Variants in ASAP1 observed in about 807,000 individuals in gnomAD.
The protein encoded by ASAP1 is arf-GAP with SH3 domain, ANK repeat and PH domain-containing protein 1.
In ASAP1, 43 loss-of-function variants were observed where a neutral mutation model predicts 145.2. The observed-to-expected ratio is 0.30, with a 90% confidence interval of 0.23 to 0.38. ASAP1 has a LOEUF of 0.38. Ranked by LOEUF, ASAP1 falls within the 10% of genes least tolerant of loss-of-function variation. The probability of loss-of-function intolerance (pLI) is 1.00; values close to 1 mark genes in which losing one functional copy is unlikely to be tolerated. For missense variants in ASAP1, 1,018 were observed against 1,355.3 expected, an observed-to-expected ratio of 0.75 and a Z score of 3.91; for synonymous variants, 546 against 515.5, an observed-to-expected ratio of 1.06 and a Z score of -0.80.
intron 24 of ASAP1, among the ~76,000 whole-genome samples, chr8:130,105,661 G>A (rs141974142): frequency 8.5e-5 from 13 of 152,128 alleles, no homozygotes; most frequent in African/African-American, 1.4e-4. Flanking sequence ...GTAATTAACC[G>A]TATAATTATA....
At chr8:130,345,661 T>C (rs1422604380) in intron 3 of ASAP1, among the ~76,000 whole-genome samples, 1 of 152,170 alleles carries the variant, frequency 6.6e-6, no homozygotes, top group Non-Finnish European at 1.5e-5. Flanking sequence ...AAACAGCCTA[T>C]GTAAAGTACT....
chr8:130,272,072 G>A (rs10956517), intron 3 of ASAP1, among the ~76,000 whole-genome samples: 27,715 of 152,116 alleles, frequency 0.18, 3,219 homozygotes, highest in East Asian at 0.43. Flanking sequence ...GGCTGAGACA[G>A]GAGGATTGCT....
chr8:130,311,428 G>A (rs1355764216), intron 3 of ASAP1, among the ~76,000 whole-genome samples: 3 of 152,066 alleles, frequency 2.0e-5, no homozygotes, highest in East Asian at 1.9e-4. Flanking sequence ...TTTTTTCAGT[G>A]CACATGCATC....
chr8:130,396,398 A>C (rs1358416231), intron 2 of ASAP1, among the ~76,000 whole-genome samples: 1 of 152,196 alleles, frequency 6.6e-6, no homozygotes, highest in African/African-American at 2.4e-5. Flanking sequence ...GGAGGGAGGA[A>C]GACAAGACCA....
intron 3 of ASAP1, among the ~76,000 whole-genome samples, chr8:130,269,120 G>A (rs181355423): frequency 3.3e-5 from 5 of 152,260 alleles, no homozygotes; most frequent in Admixed American, 2.6e-4. Flanking sequence ...ACCAGAACAG[G>A]CCTTGAATTT....
At chr8:130,289,834 GGACTAGTGTA>G (rs1407796278) in intron 3 of ASAP1, among the ~76,000 whole-genome samples, 3 of 152,040 alleles carry the variant, frequency 2.0e-5, no homozygotes, top group Non-Finnish European at 2.9e-5. Context: ...TACCCCACAG[GGACTAGTGTA>G]GAACTCCATT....
intron 4 of ASAP1, 22 bp downstream of exon 4, chr8:130,236,900 C>T: frequency 2.0e-6 from 3 of 1,482,030 alleles, no homozygotes; most frequent in Non-Finnish European, 2.8e-6. Context: ...TTCATGTTAC[C>T]TCATTTTTAG....
At chr8:130,226,660 A>C (rs1369888205) in intron 4 of ASAP1, among the ~76,000 whole-genome samples, 1 of 152,160 alleles carries the variant, frequency 6.6e-6, no homozygotes, top group Non-Finnish European at 1.5e-5. Context: ...GCATATTCTC[A>C]TTTCTGCAGC....
At chr8:130,302,594 G>T (rs1177510721) in intron 3 of ASAP1, among the ~76,000 whole-genome samples, 1 of 152,210 alleles carries the variant, frequency 6.6e-6, no homozygotes, top group Non-Finnish European at 1.5e-5. Context: ...CATCTGCTGG[G>T]AGCACTAGAT....
intron 3 of ASAP1, among the ~76,000 whole-genome samples, chr8:130,310,346 G>A (rs994918619): frequency 1.3e-5 from 2 of 152,150 alleles, no homozygotes; most frequent in African/African-American, 2.4e-5. Context: ...TTTTAACTAA[G>A]TGATAAGTTA....
intron 1 of ASAP1, among the ~76,000 whole-genome samples, chr8:130,409,998 T>C (rs567340641): frequency 2.0e-4 from 31 of 152,334 alleles, no homozygotes; most frequent in Admixed American, 1.4e-3. Flanking sequence ...TTGTCAGTGA[T>C]ATCATCTGGG....
intron 3 of ASAP1, among the ~76,000 whole-genome samples, chr8:130,350,905 G>C (rs77327630): frequency 1.3e-5 from 2 of 152,310 alleles, no homozygotes; most frequent in East Asian, 3.9e-4. Flanking sequence ...CAGCTCATAG[G>C]CAAATCAGGT....
intron 5 of ASAP1, among the ~76,000 whole-genome samples, chr8:130,189,765 T>G (rs945715010): frequency 2.6e-5 from 4 of 152,220 alleles, no homozygotes; most frequent in Admixed American, 2.6e-4. Context: ...TAATTTATAT[T>G]ACCACCAACA....
At chr8:130,082,349 G>T (rs2097482385) in intron 25 of ASAP1, among the ~76,000 whole-genome samples, 1 of 151,854 alleles carries the variant, frequency 6.6e-6, no homozygotes, top group Non-Finnish European at 1.5e-5. Context: ...TCAAGGTAGG[G>T]CATTTATTTT....
chr8:130,372,720 C>T (rs1190829370), intron 2 of ASAP1, among the ~76,000 whole-genome samples: 1 of 152,154 alleles, frequency 6.6e-6, no homozygotes, highest in Non-Finnish European at 1.5e-5. Flanking sequence ...GAGCTGGTAA[C>T]CCAAATATTC....
intron 3 of ASAP1, among the ~76,000 whole-genome samples, chr8:130,238,890 G>A (rs1818366213): frequency 6.6e-6 from 1 of 152,066 alleles, no homozygotes; most frequent in African/African-American, 2.4e-5. Context: ...CAGACTGCAA[G>A]TCTAACACGA....
chr8:130,376,239 C>A (rs571130237), intron 2 of ASAP1, among the ~76,000 whole-genome samples: 1 of 152,332 alleles, frequency 6.6e-6, no homozygotes, highest in East Asian at 1.9e-4. Context: ...GCTGGGTGCT[C>A]CACCCTGAAT....
At chr8:130,162,205 C>T (rs1323476040) in intron 11 of ASAP1, among the ~76,000 whole-genome samples, 1 of 152,216 alleles carries the variant, frequency 6.6e-6, no homozygotes, top group Non-Finnish European at 1.5e-5. Context: ...GGAGGTAGGA[C>T]TGAGGGACTG....
chr8:130,071,011 G>GAGAGAGAGAGA (rs1415476694), intron 27 of ASAP1, among the ~76,000 whole-genome samples: 142 of 11,438 alleles, frequency 0.012, 40 homozygotes, highest in African/African-American at 0.059. Context: ...GGGGAGGGGG[G>GAGAGAGAGAGA]GAGAGAGAGA....
Sources: allele counts gnomAD v4.1 joint callset (sites outside exome capture counted in the v4.1 genomes callset), GRCh38; gene constraint gnomAD v4.1.1; transcripts MANE v1.5; gene names NCBI Gene and HGNC (gene_info 2026-07-23, HGNC 2026-07-21).